ALX4: variants seen among roughly 807,000 people sequenced by gnomAD.
ALX4 encodes homeobox protein aristaless-like 4.
A neutral mutation model predicts 40.6 loss-of-function variants in ALX4; 22 were observed. The observed-to-expected ratio is 0.54, with a 90% CI of 0.39 to 0.77. The LOEUF (loss-of-function observed/expected upper bound fraction) is 0.77, where lower values mean the gene tolerates loss of function less well. Ranked by LOEUF, ALX4 falls within the 30% of genes least tolerant of loss-of-function variation. ALX4 has a pLI of 0.00. For synonymous variants in ALX4, 266 were observed against 240.5 expected (o/e 1.11, Z -0.98); for missense variants, 556 against 564.8 (o/e 0.98, Z 0.16).
intron 1 of ALX4, among the ~76,000 whole-genome samples, chr11:44,286,379 T>C (rs918563720): frequency 1.3e-5 from 2 of 152,060 alleles, no homozygotes; most frequent in Non-Finnish European, 2.9e-5. Flanking sequence ...AAGCCAAGAC[T>C]GAAGAGGAGT....
rs780001000 is a variant in ALX4, at chr11:44,309,728, GGCT to G, written c.332_334del (p.Gln111del). 59 of 1,558,612 alleles carry G rather than the reference GGCT, an allele frequency of 3.8e-5. No homozygotes were observed. The highest frequency in any genetic ancestry group is 4.5e-5 in the Non-Finnish European group (52 of 1,152,542). ...CGGTTGCGCGGGCGGCTGGGGCTGC[GGCT>G]GCTGCTGCTGCGGCTGCGGCTGCGG... On this transcript the variant is annotated inframe_deletion, in exon 1 of 4. Transcript: ENST00000652299.
At position 44,272,337 on chromosome 11, in the gene ALX4, CTATTAAATA is replaced by C. The variant is rs1359555265; in HGVS notation, c.777+3002_777+3010del. On this transcript the variant is annotated intron_variant, in intron 2 of 3. Coordinates refer to ENST00000652299, the MANE Select transcript of ALX4 (RefSeq NM_021926.4). The stretch of plus-strand genomic sequence containing the variant: ...CAACCAACATGGTGAAACCCCATCT[CTATTAAATA>C]TACAAAAATTAGCCGGGTGTGGTGG... Among the ~76,000 whole-genome samples the C allele has an allele frequency of 1.3e-3, 201 of 152,094 alleles. 1 individual carries two copies. Among genetic ancestry groups the C allele is most frequent in the African/African-American group, 4.6e-3 (191 of 41,464 alleles).
Position 44,309,618 on chromosome 11 carries a change from C to T in ALX4, c.445G>A (p.Ala149Thr). 1 of 1,588,354 alleles carries T rather than the reference C, an allele frequency of 6.3e-7. No individual in the cohort carries two copies. The highest frequency in any genetic ancestry group is 1.3e-5 in the African/African-American group (1 of 74,278). Residue 149 changes from alanine to threonine, a missense_variant, in exon 1 of 4, where the codon GCC becomes ACC. Coordinates refer to ENST00000652299, the MANE Select transcript of ALX4 (RefSeq NM_021926.4). Reference sequence around the variant, plus strand: ...TCACCGTAGCAGGGAACCTGCAAGGCCGCGCTGTGGCCGCTGCTGCCTTCC... The same window carrying T: ...TCACCGTAGCAGGGAACCTGCAAGGTCGCGCTGTGGCCGCTGCTGCCTTCC... ...LQEGSSGHSA[A>T]LQVPCYAKES... is the part of the protein sequence containing the mutation.
At chr11:44,266,702 A>T (rs1002609942) in intron 3 of ALX4, among the ~76,000 whole-genome samples, 2 of 152,108 alleles carry the variant, frequency 1.3e-5, no homozygotes, top group Admixed American at 6.5e-5. Context: ...GGGCAGGCTG[A>T]GTGGGGGTCA....
chr11:44,309,085 C>T (rs1956486842), intron 1 of ALX4, among the ~76,000 whole-genome samples: 1 of 151,734 alleles, frequency 6.6e-6, no homozygotes, highest in African/African-American at 2.4e-5. Context: ...CTGCGGCGCT[C>T]TCACCTGCGG....
chr11:44,292,534 G>A (rs10769034), intron 1 of ALX4, among the ~76,000 whole-genome samples: 146,235 of 152,134 alleles, frequency 0.96, 70,454 homozygotes, highest in Non-Finnish European at 1. Context: ...TTGTACTTTA[G>A]GAAAGTCATC....
At chr11:44,306,257 G>A (rs1311639665) in intron 1 of ALX4, among the ~76,000 whole-genome samples, 1 of 152,250 alleles carries the variant, frequency 6.6e-6, no homozygotes, top group Non-Finnish European at 1.5e-5. Flanking sequence ...TTGGGGAAAG[G>A]AAGGCCCAAG....
intron 1 of ALX4, among the ~76,000 whole-genome samples, chr11:44,296,253 C>T (rs1266299884): frequency 2.0e-5 from 3 of 152,180 alleles, no homozygotes; most frequent in African/African-American, 7.2e-5. Flanking sequence ...AAGTGGATAT[C>T]CCCATAAGGA....
At chr11:44,285,968 T>C (rs924879057) in intron 1 of ALX4, among the ~76,000 whole-genome samples, 2 of 152,146 alleles carry the variant, frequency 1.3e-5, no homozygotes, top group African/African-American at 2.4e-5. Flanking sequence ...TTAATGCAAA[T>C]GCCTGTGTGT....
chr11:44,274,840 C>T (rs12795574), intron 2 of ALX4, among the ~76,000 whole-genome samples: 84,105 of 151,990 alleles, frequency 0.55, 23,632 homozygotes, highest in Admixed American at 0.63. Context: ...GAAGACTTCT[C>T]AGAGGAGGTA....
intron 1 of ALX4, among the ~76,000 whole-genome samples, chr11:44,301,540 G>A (rs562983875): frequency 6.6e-6 from 1 of 152,360 alleles, no homozygotes; most frequent in South Asian, 2.1e-4. Flanking sequence ...CTAATGCCCA[G>A]GAGCTCATGG....
intron 1 of ALX4, among the ~76,000 whole-genome samples, chr11:44,283,709 A>G (rs960756956): frequency 3.9e-5 from 6 of 152,070 alleles, no homozygotes; most frequent in South Asian, 2.1e-4. Context: ...GACTACAGGC[A>G]TGGGCCACCA....
Position 44,309,913 on chromosome 11 carries a change from G to A in ALX4, c.150C>T (p.Ala50=), listed in dbSNP as rs1181780622. The change falls in exon 1 of 4, where the codon GCC becomes GCT. Residue 50 remains alanine, a synonymous_variant. Coordinates refer to ENST00000652299, the MANE Select transcript of ALX4 (RefSeq NM_021926.4). ...GDKFGTTFLS[A]AAKAQGFGDA... is the part of the protein sequence containing the mutation. ...CCCCGAATCCCTGTGCTTTGGCGGC[G>A]GCCGACAGGAAAGTTGTGCCGAACT... 1.3e-6 allele frequency: 2 copies of A among 1,589,518 alleles called. No individual in the cohort carries two copies. Among genetic ancestry groups the A allele is most frequent in the Admixed American group, 1.7e-5 (1 of 57,200 alleles).
chr11:44,267,055 C>A (rs1956217368), intron 3 of ALX4, among the ~76,000 whole-genome samples: 1 of 152,156 alleles, frequency 6.6e-6, no homozygotes, highest in Non-Finnish European at 1.5e-5. Flanking sequence ...GTGAGAAAGA[C>A]CTGGAGCTGG....
chr11:44,270,978 C>T (rs535858045), intron 2 of ALX4, among the ~76,000 whole-genome samples: 6 of 152,334 alleles, frequency 3.9e-5, no homozygotes, highest in Non-Finnish European at 7.4e-5. Context: ...CCCCTGCAGC[C>T]CCCTGGAGCA....
chr11:44,269,908 G>C (rs1026567861), intron 2 of ALX4, among the ~76,000 whole-genome samples: 3 of 152,160 alleles, frequency 2.0e-5, no homozygotes, highest in Admixed American at 6.5e-5. Flanking sequence ...GGGGAAGCTG[G>C]GGGGAGGGGA....
chr11:44,305,734 C>T (rs1193951740), intron 1 of ALX4, among the ~76,000 whole-genome samples: 3 of 152,270 alleles, frequency 2.0e-5, no homozygotes, highest in African/African-American at 7.2e-5. Flanking sequence ...CCAGGGGCTC[C>T]AACCTGGCCC....
intron 1 of ALX4, among the ~76,000 whole-genome samples, chr11:44,300,204 G>A (rs1956427192): frequency 6.6e-6 from 1 of 151,976 alleles, no homozygotes; most frequent in African/African-American, 2.4e-5. Context: ...GATTCTGGAG[G>A]GCCAATTCAC....
chr11:44,274,988 C>G lies in ALX4; in HGVS notation c.777+360G>C, dbSNP rs1406159036. 2.6e-5 allele frequency among the ~76,000 whole-genome samples: 4 copies of G among 152,284 alleles called. No individual in the cohort carries two copies. In the South Asian group the frequency reaches 8.3e-4, roughly 32 times the overall value. On this transcript the variant is annotated intron_variant, in intron 2 of 3. Coordinates refer to ENST00000652299, the MANE Select transcript of ALX4 (RefSeq NM_021926.4). Reference sequence around the variant, plus strand: ...TCCTGTTTCCTGTCTAAGAGATAGGCCTTCTAGAGCAGGGACAAGTAACCC... The same window carrying G: ...TCCTGTTTCCTGTCTAAGAGATAGGGCTTCTAGAGCAGGGACAAGTAACCC...
Sources: gnomAD v4.1 joint callset for allele counts (sites outside exome capture counted in the v4.1 genomes callset) on GRCh38, gnomAD v4.1.1 for gene constraint, MANE v1.5 for transcripts, NCBI Gene and HGNC (gene_info 2026-07-23, HGNC 2026-07-21) for gene names.